Variants in RIC1 observed in about 807,000 individuals in gnomAD.
RIC1 encodes guanine nucleotide exchange factor subunit RIC1.
RIC1 carries 88 observed loss-of-function variants against 169.0 expected under a neutral mutation model. The ratio of observed to expected loss-of-function variants is 0.52; its 90% CI spans 0.44 to 0.62. The LOEUF (loss-of-function observed/expected upper bound fraction) is 0.62. Ranked by LOEUF, RIC1 falls within the 20% of genes least tolerant of loss-of-function variation. The probability of loss-of-function intolerance (pLI) is 0.00; values close to 1 mark genes in which losing one functional copy is unlikely to be tolerated. For missense variants in RIC1, 1,877 were observed against 1,725.5 expected (o/e 1.09, Z -1.56); for synonymous variants, 790 against 601.5 (o/e 1.31, Z -4.59).
intron 21 of RIC1, among the ~76,000 whole-genome samples, chr9:5,767,844 C>T (rs966365056): frequency 7.2e-5 from 11 of 152,200 alleles, no homozygotes; most frequent in African/African-American, 2.7e-4. Flanking sequence ...GCCTCTGCCT[C>T]CCAAAGTGCT....
intron 2 of RIC1, among the ~76,000 whole-genome samples, chr9:5,680,267 T>A (rs937279388): frequency 5.9e-5 from 9 of 152,210 alleles, no homozygotes; most frequent in South Asian, 2.1e-4. Context: ...GGATTTTTGC[T>A]TCAATGTTCA....
chr9:5,664,959 A>AGGTC (rs1343697512), intron 2 of RIC1, among the ~76,000 whole-genome samples: 1 of 152,190 alleles, frequency 6.6e-6, no homozygotes, highest in African/African-American at 2.4e-5. Flanking sequence ...GAGCTCTAAC[A>AGGTC]GGTCGGTTAT....
intron 1 of RIC1, among the ~76,000 whole-genome samples, chr9:5,646,092 T>C (rs188410662): frequency 1.3e-5 from 2 of 152,260 alleles, no homozygotes; most frequent in Admixed American, 1.3e-4. Flanking sequence ...TAGTACTTGT[T>C]TTCTGTTGTT....
intron 2 of RIC1, among the ~76,000 whole-genome samples, chr9:5,672,880 T>A (rs2130578723): frequency 6.6e-6 from 1 of 152,228 alleles, no homozygotes; most frequent in Admixed American, 6.5e-5. Flanking sequence ...CTACTAACCC[T>A]GGAAACTTAA....
Position 5,668,733 on chromosome 9 carries a change from TA to T in RIC1, c.252+12051del, listed in dbSNP as rs560994300. 3.8e-4 allele frequency among the ~76,000 whole-genome samples: 58 copies of T among 152,184 alleles called. 1 individual carries two copies. The South Asian group carries it at 6.4e-3, about 17-fold the overall frequency. On this transcript the variant is annotated intron_variant, in intron 2 of 25. Transcript: ENST00000414202. ...ATCTTCAGAATTTTTTCAGTTCCTT[TA>T]AAAAAAATTTTCCCTTTTATCGATA...
At chr9:5,636,015 C>G (rs1000982116) in intron 1 of RIC1, among the ~76,000 whole-genome samples, 4 of 152,206 alleles carry the variant, frequency 2.6e-5, no homozygotes, top group African/African-American at 7.2e-5. Context: ...GTTGTTCTTT[C>G]TCAAGATGGC....
intron 23 of RIC1, among the ~76,000 whole-genome samples, chr9:5,771,095 T>G (rs1425552360): frequency 1.3e-5 from 2 of 152,196 alleles, no homozygotes; most frequent in Admixed American, 6.5e-5. Flanking sequence ...TTTAACAGCT[T>G]AACCGTTTTT....
rs768708926 is a variant in RIC1 at position 5,754,831 on chromosome 9, T to C, written c.1603-10T>C. On this transcript the variant is annotated splice_polypyrimidine_tract_variant and intron_variant, in intron 14 of 25. Coordinates refer to ENST00000414202, the MANE Select transcript of RIC1 (RefSeq NM_020829.4). ...ATAAGGTAAATTTTTTAAAAAATTT[T>C]TATTTTAAGGAGCAAAATATGATCG... 3.5e-5 allele frequency: 53 copies of C among 1,529,820 alleles called. No homozygotes were observed. Among genetic ancestry groups the C allele is most frequent in the Non-Finnish European group, 4.3e-5 (49 of 1,126,574 alleles). The allele number at this position is 1,529,820 out of a possible 1,614,324, so 94.8% of individuals were successfully genotyped here.
In RIC1 at chr9:5,751,469, C is replaced by A. The variant is rs949545759; in HGVS notation, c.1453-1731C>A. Among the ~76,000 whole-genome samples the A allele has an allele frequency of 2.1e-4, 32 of 151,768 alleles. 2 individuals are homozygous for A. Reference sequence around the variant, plus strand: ...CTCCAGGGTTCAGGTGATTCTCCTGCGTCAGCTTCCCGAGTAGCTGGGATT... The same window carrying A: ...CTCCAGGGTTCAGGTGATTCTCCTGAGTCAGCTTCCCGAGTAGCTGGGATT... On this transcript the variant is annotated intron_variant, in intron 12 of 25. Transcript: ENST00000414202.
chr9:5,687,920 T>G (rs147248819), intron 2 of RIC1, among the ~76,000 whole-genome samples: 241 of 152,100 alleles, frequency 1.6e-3, no homozygotes, highest in African/African-American at 4.1e-3. Context: ...TTGGGTTTTT[T>G]TGTGTGTGTG....
At chr9:5,708,930 T>C (rs1822763315) in intron 3 of RIC1, among the ~76,000 whole-genome samples, 1 of 152,128 alleles carries the variant, frequency 6.6e-6, no homozygotes, top group Non-Finnish European at 1.5e-5. Flanking sequence ...TTCATTCTTT[T>C]TTCCTATTTC....
intron 2 of RIC1, among the ~76,000 whole-genome samples, chr9:5,685,305 G>A (rs555744857): frequency 8.6e-5 from 13 of 151,026 alleles, no homozygotes; most frequent in Admixed American, 7.3e-4. Context: ...CCAAAAAAGA[G>A]CCCGCATCGC....
At chr9:5,714,074 A>C (rs572521688) in intron 4 of RIC1, 71 bp downstream of exon 4, 1 of 917,654 alleles carries the variant, frequency 1.1e-6, no homozygotes, top group Non-Finnish European at 1.7e-6. Context: ...TCCCATGACC[A>C]ACAGGAAAGT....
intron 3 of RIC1, 144 bp from the exon 4 acceptor site, chr9:5,713,750 TAA>T (rs1305534482): frequency 5.9e-6 from 3 of 511,708 alleles, no homozygotes; most frequent in Non-Finnish European, 1.1e-5. Flanking sequence ...TAATAGAATT[TAA>T]GTCTGTTTTT....
chr9:5,778,362 T>C (rs369089835), downstream of RIC1, among the ~76,000 whole-genome samples: 19 of 152,208 alleles, frequency 1.2e-4, no homozygotes, highest in African/African-American at 4.6e-4. Context: ...AACTCTTCCT[T>C]TTCAATCTGG....
intron 2 of RIC1, among the ~76,000 whole-genome samples, chr9:5,660,610 T>A (rs1054805362): frequency 3.3e-5 from 5 of 152,240 alleles, no homozygotes; most frequent in Admixed American, 2.6e-4. Flanking sequence ...TCAGTGATGT[T>A]GAGCTTTTTA....
intron 4 of RIC1, among the ~76,000 whole-genome samples, chr9:5,716,625 T>G (rs1823261329): frequency 6.6e-6 from 1 of 152,178 alleles, no homozygotes; most frequent in South Asian, 2.1e-4. Context: ...AACAAAAATT[T>G]AAGAACCAAT....
chr9:5,761,822 A>G (rs1023621175), intron 17 of RIC1, among the ~76,000 whole-genome samples: 2 of 152,244 alleles, frequency 1.3e-5, no homozygotes, highest in Admixed American at 1.3e-4. Context: ...ATAGGGCTCA[A>G]TTGGAAATCA....
chr9:5,700,476 C>G (rs1822145888), intron 3 of RIC1, among the ~76,000 whole-genome samples: 1 of 152,004 alleles, frequency 6.6e-6, no homozygotes, highest in Non-Finnish European at 1.5e-5. Flanking sequence ...CTTTTAAGTT[C>G]CATCTACAAA....
Sources: gnomAD v4.1 joint callset for allele counts (sites outside exome capture counted in the v4.1 genomes callset) on GRCh38, gnomAD v4.1.1 for gene constraint, MANE v1.5 for transcripts, NCBI Gene and HGNC (gene_info 2026-07-23, HGNC 2026-07-21) for gene names.